Variants in PTPRM observed in about 807,000 individuals in gnomAD.
PTPRM encodes the protein receptor-type tyrosine-protein phosphatase mu.
PTPRM carries 47 observed loss-of-function variants against 186.7 expected under a neutral mutation model. The observed-to-expected ratio is 0.25, with a 90% CI of 0.20 to 0.32. The LOEUF (loss-of-function observed/expected upper bound fraction) is 0.32, where lower values mean the gene tolerates loss of function less well. Ranked by LOEUF, PTPRM falls within the 10% of genes least tolerant of loss-of-function variation. The pLI, the probability that PTPRM is intolerant of heterozygous loss-of-function variation, is 1.00. For synonymous variants in PTPRM, 668 were observed against 674.9 expected, an observed-to-expected ratio of 0.99 and a Z score of 0.16; for missense variants, 1,494 against 1,865.0, an observed-to-expected ratio of 0.80 and a Z score of 3.66.
chr18:7,634,907 A>G (rs546169431), intron 1 of PTPRM, among the ~76,000 whole-genome samples: 22 of 152,328 alleles, frequency 1.4e-4, no homozygotes, highest in Non-Finnish European at 2.1e-4. Context: ...AAATTAGGAT[A>G]TGTTATTTTC....
At chr18:8,167,244 A>G (rs2093337080) in intron 14 of PTPRM, among the ~76,000 whole-genome samples, 1 of 152,256 alleles carries the variant, frequency 6.6e-6, no homozygotes, top group Non-Finnish European at 1.5e-5. Flanking sequence ...ACATTGGTGC[A>G]GCAGCCTGTC....
chr18:8,177,040 T>G (rs968186925), intron 14 of PTPRM, among the ~76,000 whole-genome samples: 1 of 152,254 alleles, frequency 6.6e-6, no homozygotes, highest in Non-Finnish European at 1.5e-5. Context: ...TTTTTTCATA[T>G]TTCTTCTGTC....
intron 1 of PTPRM, among the ~76,000 whole-genome samples, chr18:7,736,959 C>T (rs887059769): frequency 3.3e-5 from 5 of 152,000 alleles, no homozygotes; most frequent in East Asian, 3.9e-4. Context: ...CTTGTGTCAC[C>T]GTGCCCAGCT....
At chr18:8,063,373 G>A (rs974333809) in intron 7 of PTPRM, among the ~76,000 whole-genome samples, 6 of 151,642 alleles carry the variant, frequency 4.0e-5, no homozygotes, top group African/African-American at 1.2e-4. Context: ...AGATGAACCC[G>A]GTACCTCAGA....
intron 24 of PTPRM, among the ~76,000 whole-genome samples, chr18:8,375,805 C>T (rs942408898): frequency 1.3e-5 from 2 of 152,180 alleles, no homozygotes; most frequent in South Asian, 4.1e-4. Context: ...GGAATTACAC[C>T]TAAAAATTAG....
At chr18:7,769,810 G>T (rs569266010) in intron 1 of PTPRM, among the ~76,000 whole-genome samples, 2 of 152,232 alleles carry the variant, frequency 1.3e-5, no homozygotes, top group South Asian at 2.1e-4. Context: ...TCTAGAACCT[G>T]TGTGTTGTAT....
At position 8,272,602 on chromosome 18, in the gene PTPRM, C is replaced by A. The variant is rs193251733; in HGVS notation, c.2754+19188C>A. On this transcript the variant is annotated intron_variant, in intron 19 of 32. Transcript: ENST00000580170. Reference sequence around the variant, plus strand: ...GAGTTTATGAGTGTATATTTTAGTTCTCAGTGCATGGAAGATTTTTATCTT... The same window carrying A: ...GAGTTTATGAGTGTATATTTTAGTTATCAGTGCATGGAAGATTTTTATCTT... Among the ~76,000 whole-genome samples the A allele has an allele frequency of 2.0e-5, 3 of 152,140 alleles. No homozygotes were observed. In the East Asian group the frequency reaches 5.8e-4, roughly 29 times the overall value.
chr18:7,592,823 T>C (rs1426229304), intron 1 of PTPRM, among the ~76,000 whole-genome samples: 1 of 152,160 alleles, frequency 6.6e-6, no homozygotes. Flanking sequence ...CATTCAAGTG[T>C]GTGAGCTGGG....
intron 14 of PTPRM, among the ~76,000 whole-genome samples, chr18:8,183,698 A>G (rs575040279): frequency 1.2e-4 from 19 of 152,372 alleles, no homozygotes; most frequent in Admixed American, 6.5e-4. Context: ...ATAAAATGGA[A>G]TAATCAATGG....
Position 8,232,055 on chromosome 18 carries a change from T to C in PTPRM, c.2301-12003T>C, listed in dbSNP as rs552177615. Among the ~76,000 whole-genome samples the C allele has an allele frequency of 5.9e-5, 9 of 152,324 alleles. No individual in the cohort carries two copies. The South Asian group carries it at 1.7e-3, about 28-fold the overall frequency. On this transcript the variant is annotated intron_variant, in intron 14 of 32. Coordinates refer to ENST00000580170, the MANE Select transcript of PTPRM (RefSeq NM_001105244.2). ...AATAAGATCACAGCCTAGAACCTCC[T>C]CTGTGCTCTGCCTGTTTATCCCTCC...
intron 7 of PTPRM, among the ~76,000 whole-genome samples, chr18:8,047,039 G>A (rs1340025817): frequency 6.6e-6 from 1 of 152,178 alleles, no homozygotes; most frequent in Non-Finnish European, 1.5e-5. Context: ...TCTTCCCTGA[G>A]AATTCAACTT....
At chr18:7,653,367 T>C (rs2038768611) in intron 1 of PTPRM, among the ~76,000 whole-genome samples, 1 of 152,126 alleles carries the variant, frequency 6.6e-6, no homozygotes, top group Non-Finnish European at 1.5e-5. Flanking sequence ...AGCTTTGTTA[T>C]ATAGGTAAAC....
intron 14 of PTPRM, among the ~76,000 whole-genome samples, chr18:8,179,371 T>C (rs2093538437): frequency 6.6e-6 from 1 of 152,202 alleles, no homozygotes; most frequent in African/African-American, 2.4e-5. Context: ...CAGTCTTCTA[T>C]TAGTTCAGTC....
intron 2 of PTPRM, among the ~76,000 whole-genome samples, chr18:7,812,721 G>GTT (rs56916348): frequency 9.6e-5 from 14 of 145,206 alleles, no homozygotes; most frequent in Admixed American, 1.4e-4. Context: ...GACTTGGAAA[G>GTT]TTTTTTTTTT....
intron 2 of PTPRM, among the ~76,000 whole-genome samples, chr18:7,868,156 C>T (rs909488089): frequency 6.6e-5 from 10 of 152,210 alleles, no homozygotes; most frequent in South Asian, 2.1e-4. Flanking sequence ...TCCTTTAGCT[C>T]GGAGGAGTTC....
At chr18:8,024,243 G>T (rs374608121) in intron 7 of PTPRM, among the ~76,000 whole-genome samples, 2 of 152,062 alleles carry the variant, frequency 1.3e-5, no homozygotes, top group East Asian at 3.9e-4. Flanking sequence ...ATTGTTAGTT[G>T]ATTTTTTTTT....
At chr18:7,797,109 T>G (rs1372418824) in intron 2 of PTPRM, among the ~76,000 whole-genome samples, 1 of 152,154 alleles carries the variant, frequency 6.6e-6, no homozygotes, top group African/African-American at 2.4e-5. Flanking sequence ...GGTTTCTAGG[T>G]TCTCTAAAAT....
chr18:7,742,845 A>G (rs903627088), intron 1 of PTPRM, among the ~76,000 whole-genome samples: 5 of 152,208 alleles, frequency 3.3e-5, no homozygotes, highest in African/African-American at 1.2e-4. Context: ...GTAAGCCTCA[A>G]TTTAGAAAAT....
intron 5 of PTPRM, among the ~76,000 whole-genome samples, chr18:7,945,423 C>T (rs1007846584): frequency 2.0e-5 from 3 of 151,828 alleles, no homozygotes; most frequent in Admixed American, 6.6e-5. Flanking sequence ...AGAGATGGCG[C>T]CACTGCACTC....
Sources: gnomAD v4.1 joint callset for allele counts (sites outside exome capture counted in the v4.1 genomes callset) on GRCh38, gnomAD v4.1.1 for gene constraint, MANE v1.5 for transcripts, NCBI Gene and HGNC (gene_info 2026-07-23, HGNC 2026-07-21) for gene names.